Variants in EPHA5 observed in about 807,000 individuals in gnomAD.
EPHA5 encodes EPH receptor A5, also known as ephrin type-A receptor 5.
A neutral mutation model predicts 105.0 loss-of-function variants in EPHA5; 60 were observed. The observed-to-expected ratio is 0.57, with a 90% CI of 0.46 to 0.71. The LOEUF (loss-of-function observed/expected upper bound fraction) is 0.71. Among genes scored for constraint, EPHA5 ranks in the 30% least tolerant of loss-of-function variants. The probability of loss-of-function intolerance (pLI) is 0.00; values close to 1 mark genes in which losing one functional copy is unlikely to be tolerated. For synonymous variants in EPHA5, 513 were observed against 449.1 expected, an observed-to-expected ratio of 1.14 and a Z score of -1.80; for missense variants, 1,218 against 1,274.7, an observed-to-expected ratio of 0.96 and a Z score of 0.68.
intron 5 of EPHA5, among the ~76,000 whole-genome samples, chr4:65,483,234 C>G (rs543496687): frequency 2.0e-5 from 3 of 152,240 alleles, no homozygotes; most frequent in African/African-American, 7.2e-5. Flanking sequence ...TGTATATGTG[C>G]CACATTTTCT....
intron 3 of EPHA5, among the ~76,000 whole-genome samples, chr4:65,537,369 T>C (rs1578367672): frequency 6.6e-6 from 1 of 151,862 alleles, no homozygotes; most frequent in East Asian, 1.9e-4. Context: ...AATTCAAGTT[T>C]TTCAGATAGC....
At chr4:65,465,333 G>A (rs1210594766) in intron 5 of EPHA5, among the ~76,000 whole-genome samples, 2 of 151,820 alleles carry the variant, frequency 1.3e-5, no homozygotes, top group Non-Finnish European at 2.9e-5. Context: ...GTACTAGGTA[G>A]GAGAATCGCT....
intron 3 of EPHA5, among the ~76,000 whole-genome samples, chr4:65,528,757 C>T (rs1266453643): frequency 5.9e-5 from 9 of 152,104 alleles, no homozygotes; most frequent in South Asian, 2.1e-4. Flanking sequence ...TGGCCTGAAG[C>T]GGACAGCAAG....
At chr4:65,576,093 G>GAA (rs1297394874) in intron 3 of EPHA5, among the ~76,000 whole-genome samples, 3 of 76,970 alleles carry the variant, frequency 3.9e-5, no homozygotes, top group South Asian at 4.8e-4. Context: ...GAAAAGAAAA[G>GAA]AAAAGAAAAG....
chr4:65,471,752 G>A (rs1292149366), intron 5 of EPHA5, among the ~76,000 whole-genome samples: 1 of 152,092 alleles, frequency 6.6e-6, no homozygotes, highest in Non-Finnish European at 1.5e-5. Flanking sequence ...AAAGCATGGA[G>A]GAAACTGCCC....
At chr4:65,525,140 A>G (rs1735111281) in intron 3 of EPHA5, among the ~76,000 whole-genome samples, 1 of 151,676 alleles carries the variant, frequency 6.6e-6, no homozygotes, top group South Asian at 2.1e-4. Flanking sequence ...TAATTCTTCA[A>G]TTTTCCATCT....
intron 3 of EPHA5, among the ~76,000 whole-genome samples, chr4:65,516,837 T>C (rs1215720270): frequency 6.6e-6 from 1 of 152,116 alleles, no homozygotes; most frequent in African/African-American, 2.4e-5. Flanking sequence ...CTTAATCCCA[T>C]TGTGGTCAGA....
At chr4:65,420,737 A>G (rs1407221979) in intron 5 of EPHA5, among the ~76,000 whole-genome samples, 172 bp from the exon 6 acceptor site, 2 of 152,160 alleles carry the variant, frequency 1.3e-5, no homozygotes, top group Non-Finnish European at 2.9e-5. Context: ...TTTTACAAAT[A>G]TAAATCAGCT....
chr4:65,435,809 A>G (rs532865279), intron 5 of EPHA5, among the ~76,000 whole-genome samples: 2 of 134,760 alleles, frequency 1.5e-5, no homozygotes, highest in East Asian at 4.1e-4. Flanking sequence ...CTGCAAGCAT[A>G]GAAATGAAGC....
At chr4:65,558,778 G>A (rs1023478371) in intron 3 of EPHA5, among the ~76,000 whole-genome samples, 8 of 152,050 alleles carry the variant, frequency 5.3e-5, no homozygotes, top group African/African-American at 1.9e-4. Flanking sequence ...ATTATAGAAG[G>A]TTTGTTGCTG....
chr4:65,528,102 A>G (rs35678517), intron 3 of EPHA5, among the ~76,000 whole-genome samples: 4,920 of 152,246 alleles, frequency 0.032, 118 homozygotes, highest in African/African-American at 0.054. Context: ...CAATTTGACC[A>G]GAAAATGTTA....
chr4:65,590,480 C>T (rs930958207), intron 3 of EPHA5, among the ~76,000 whole-genome samples: 3 of 152,040 alleles, frequency 2.0e-5, no homozygotes, highest in Non-Finnish European at 2.9e-5. Flanking sequence ...ATTGTTATTG[C>T]GAATTATACA....
intron 5 of EPHA5, among the ~76,000 whole-genome samples, chr4:65,426,463 C>T (rs1160482277): frequency 2.0e-5 from 3 of 151,938 alleles, no homozygotes; most frequent in Non-Finnish European, 2.9e-5. Flanking sequence ...AATGGCACTG[C>T]TTGAAATGAT....
intron 5 of EPHA5, among the ~76,000 whole-genome samples, chr4:65,465,478 AG>A (rs1553920698): frequency 5.6e-5 from 3 of 54,030 alleles, no homozygotes; most frequent in Middle Eastern, 0.013. Flanking sequence ...AAAGAAAGAA[AG>A]AAAGAAAGAA....
At chr4:65,572,809 T>C (rs896807119) in intron 3 of EPHA5, among the ~76,000 whole-genome samples, 4 of 151,944 alleles carry the variant, frequency 2.6e-5, no homozygotes, top group Non-Finnish European at 1.5e-5. Context: ...GGCAGGCGGA[T>C]AACCTGAGGT....
chr4:65,549,605 A>G (rs1183224866), intron 3 of EPHA5, among the ~76,000 whole-genome samples: 1 of 152,108 alleles, frequency 6.6e-6, no homozygotes, highest in Non-Finnish European at 1.5e-5. Flanking sequence ...TATGAAAGGG[A>G]TGCATGCTAT....
intron 5 of EPHA5, 35 bp downstream of exon 5, chr4:65,490,342 C>T (rs913769914): frequency 2.5e-6 from 4 of 1,578,174 alleles, no homozygotes; most frequent in East Asian, 2.3e-5. Context: ...AGAACTAGGC[C>T]TCACATACAC....
At chr4:65,621,056 A>T (rs1403144810) in intron 2 of EPHA5, among the ~76,000 whole-genome samples, 2 of 152,150 alleles carry the variant, frequency 1.3e-5, no homozygotes, top group Non-Finnish European at 2.9e-5. Flanking sequence ...ACTGAAATTC[A>T]TTAGAAAAAA....
intron 14 of EPHA5, among the ~76,000 whole-genome samples, chr4:65,346,824 A>G (rs1266088665): frequency 6.6e-6 from 1 of 152,214 alleles, no homozygotes; most frequent in Non-Finnish European, 1.5e-5. Context: ...GGCAAAGGAT[A>G]TGAACAGACA....
Sources: gnomAD v4.1 joint callset for allele counts (sites outside exome capture counted in the v4.1 genomes callset) on GRCh38, gnomAD v4.1.1 for gene constraint, MANE v1.5 for transcripts, NCBI Gene and HGNC (gene_info 2026-07-23, HGNC 2026-07-21) for gene names.